The following RELN variants were observed in gnomAD, a reference collection of about 807,000 sequenced individuals.
RELN encodes reelin.
Under a neutral mutation model 427.6 loss-of-function variants are expected in RELN, and 108 were observed. The observed-to-expected ratio is 0.25, with a 90% CI of 0.22 to 0.30. The LOEUF is 0.30. Among genes scored for constraint, RELN ranks in the 10% least tolerant of loss-of-function variants. The probability of loss-of-function intolerance (pLI) is 1.00; values close to 1 mark genes in which losing one functional copy is unlikely to be tolerated. For synonymous variants in RELN, 1,524 were observed against 1,513.4 expected, an observed-to-expected ratio of 1.01 and a Z score of -0.16; for missense variants, 3,715 against 4,302.8, an observed-to-expected ratio of 0.86 and a Z score of 3.82.
At chr7:103,715,146 A>G (rs1789906343) in intron 8 of RELN, among the ~76,000 whole-genome samples, 2 of 152,210 alleles carry the variant, frequency 1.3e-5, no homozygotes, top group Admixed American at 6.5e-5. Context: ...ACGAGAAAAC[A>G]TATTTCAAGG....
At chr7:103,738,733 A>C (rs1790560807) in intron 6 of RELN, among the ~76,000 whole-genome samples, 1 of 114,106 alleles carries the variant, frequency 8.8e-6, no homozygotes, top group Non-Finnish European at 1.6e-5. Flanking sequence ...ACCAGGCTGG[A>C]GTGCAGTGGC....
intron 1 of RELN, among the ~76,000 whole-genome samples, chr7:103,920,179 G>A (rs1327565217): frequency 3.3e-5 from 5 of 152,050 alleles, no homozygotes; most frequent in South Asian, 2.1e-4. Flanking sequence ...AGTTTAAAAC[G>A]TTCCATAGTG....
intron 1 of RELN, among the ~76,000 whole-genome samples, chr7:103,935,995 C>T (rs2116721297): frequency 6.6e-6 from 1 of 152,242 alleles, no homozygotes; most frequent in Admixed American, 6.5e-5. Flanking sequence ...ATTCCTAATA[C>T]TGCCAATTTT....
chr7:103,873,631 A>G (rs1269897678), intron 2 of RELN, among the ~76,000 whole-genome samples: 1 of 119,228 alleles, frequency 8.4e-6, no homozygotes, highest in Admixed American at 8.9e-5. Flanking sequence ...TCCTCGACAC[A>G]TACACTCTCC....
At chr7:103,624,434 C>T (rs1345794095) in intron 20 of RELN, among the ~76,000 whole-genome samples, 1 of 151,278 alleles carries the variant, frequency 6.6e-6, no homozygotes, top group Non-Finnish European at 1.5e-5. Flanking sequence ...TCCCACTCTA[C>T]TTTTTTTTTA....
intron 49 of RELN, among the ~76,000 whole-genome samples, chr7:103,517,301 C>T (rs556112990): frequency 6.6e-6 from 1 of 152,162 alleles, no homozygotes; most frequent in East Asian, 1.9e-4. Context: ...CACTTCTTCA[C>T]ACAGAGCAAT....
chr7:103,577,394 GA>G (rs1158001712), intron 28 of RELN, among the ~76,000 whole-genome samples: 1 of 152,132 alleles, frequency 6.6e-6, no homozygotes, highest in Non-Finnish European at 1.5e-5. Flanking sequence ...AAAATGTTCA[GA>G]GATAATTGCC....
chr7:103,642,048 A>T (rs1304391235), intron 16 of RELN, among the ~76,000 whole-genome samples: 1 of 152,152 alleles, frequency 6.6e-6, no homozygotes, highest in Non-Finnish European at 1.5e-5. Context: ...GACTCATAAC[A>T]GGCTTCTTTT....
chr7:103,701,137 T>C (rs1834082343), intron 8 of RELN, 131 bp from the exon 9 acceptor site: 3 of 681,730 alleles, frequency 4.4e-6, no homozygotes, highest in Non-Finnish European at 7.9e-6. Flanking sequence ...ATTCTTCTAA[T>C]GATGCTGAAA....
rs1177060440 is a variant in RELN at position 103,909,755 on chromosome 7, TAA to T, written c.337+7318_337+7319del. ...TTTTAATATATATAAATATATATAT[TAA>T]ATATATATATTTAATATATATAAAT... On this transcript the variant is annotated intron_variant, in intron 2 of 64. Transcript: ENST00000428762. Among the ~76,000 whole-genome samples, 7 of 85,476 alleles carry T rather than the reference TAA, an allele frequency of 8.2e-5. 2 individuals are homozygous for T. Among genetic ancestry groups the T allele is most frequent in the African/African-American group, 4.0e-4 (6 of 15,140 alleles). 56.1% of individuals were successfully genotyped at this position (85,476 alleles called of 152,430 possible).
intron 17 of RELN, among the ~76,000 whole-genome samples, chr7:103,636,799 C>G (rs887820808): frequency 2.0e-5 from 3 of 152,132 alleles, no homozygotes; most frequent in African/African-American, 4.8e-5. Context: ...ATTCATAACA[C>G]TCATTAAATT....
At chr7:103,758,388 TA>T (rs1562995268) in intron 4 of RELN, among the ~76,000 whole-genome samples, 1 of 152,012 alleles carries the variant, frequency 6.6e-6, no homozygotes, top group East Asian at 1.9e-4. Flanking sequence ...CTACTTTGCC[TA>T]AAAAACAAGT....
chr7:103,913,002 G>C (rs1228885993), intron 2 of RELN, among the ~76,000 whole-genome samples: 1 of 151,968 alleles, frequency 6.6e-6, no homozygotes, highest in African/African-American at 2.4e-5. Flanking sequence ...ATATTGACAA[G>C]TAAAATGAGG....
At chr7:103,681,610 T>C (rs1004457866) in intron 11 of RELN, among the ~76,000 whole-genome samples, 7 of 152,100 alleles carry the variant, frequency 4.6e-5, no homozygotes, top group Non-Finnish European at 1.0e-4. Flanking sequence ...CATCAAACAA[T>C]GCTCACAGCT....
At chr7:103,596,384 A>G in intron 25 of RELN, 72 bp downstream of exon 25, 2 of 1,340,730 alleles carry the variant, frequency 1.5e-6, no homozygotes, top group Non-Finnish European at 2.1e-6. Flanking sequence ...AACATTTTGG[A>G]AACACATCAA....
chr7:103,671,288 T>C (rs996429402), intron 11 of RELN, among the ~76,000 whole-genome samples: 1 of 152,178 alleles, frequency 6.6e-6, no homozygotes, highest in South Asian at 2.1e-4. Flanking sequence ...CTTCCCTGAA[T>C]GCATTACATT....
At chr7:103,813,230 C>T (rs1056579028) in intron 3 of RELN, among the ~76,000 whole-genome samples, 1 of 152,100 alleles carries the variant, frequency 6.6e-6, no homozygotes, top group African/African-American at 2.4e-5. Context: ...CTCCCACCTC[C>T]ATTATATGGT....
At position 103,629,573 on chromosome 7, in the gene RELN, A is replaced by G. The variant is rs568942539; in HGVS notation, c.2702+367T>C. ...GACTTCATGTTTCATTATAAACCCCATGGGCCTCTGAGGGCGAATATGGTC... is the reference window on the plus strand; with the variant it reads ...GACTTCATGTTTCATTATAAACCCCGTGGGCCTCTGAGGGCGAATATGGTC... On this transcript the variant is annotated intron_variant, in intron 20 of 64. Transcript: ENST00000428762. 2.5e-4 allele frequency among the ~76,000 whole-genome samples: 38 copies of G among 152,306 alleles called. 1 individual carries two copies. Among genetic ancestry groups the G allele is most frequent in the African/African-American group, 8.4e-4 (35 of 41,570 alleles).
chr7:103,912,751 T>C (rs1584360832), intron 2 of RELN, among the ~76,000 whole-genome samples: 1 of 152,104 alleles, frequency 6.6e-6, no homozygotes, highest in African/African-American at 2.4e-5. Context: ...AAAATCTCTA[T>C]CTTTTATAAC....
Sources: allele counts gnomAD v4.1 joint callset (sites outside exome capture counted in the v4.1 genomes callset), GRCh38; gene constraint gnomAD v4.1.1; transcripts MANE v1.5; gene names NCBI Gene and HGNC (gene_info 2026-07-23, HGNC 2026-07-21).